SPINDOC: variants seen among roughly 807,000 people sequenced by gnomAD.
SPINDOC encodes the protein spindlin interactor and repressor of chromatin binding.
A neutral mutation model predicts 30.7 loss-of-function variants in SPINDOC; 13 were observed. That is an observed-to-expected ratio of 0.42 (90% CI 0.28 to 0.67). The LOEUF is 0.67. Among genes scored for constraint, SPINDOC ranks in the 30% least tolerant of loss-of-function variants. The pLI, the probability that SPINDOC is intolerant of heterozygous loss-of-function variation, is 0.22. For synonymous variants in SPINDOC, 228 were observed against 211.4 expected (o/e 1.08, Z -0.68); for missense variants, 438 against 518.0 (o/e 0.85, Z 1.50).
chr11:63,820,959 G>A lies in SPINDOC; in HGVS notation c.934+1957G>A, dbSNP rs113798302. 5.5e-3 allele frequency among the ~76,000 whole-genome samples: 827 copies of A among 151,380 alleles called. 5 individuals carry two copies. The highest frequency in any genetic ancestry group is 0.019 in the African/African-American group (781 of 41,242). ...CCCAGCCACTTGGGAGGCTGAGACA[G>A]GAGGATTGTTTCAGCCCAGGAGTTC... On this transcript the variant is annotated intron_variant, in intron 5 of 5. Transcript: ENST00000294244.
In SPINDOC at chr11:63,813,590, G is replaced by C; in HGVS notation, c.-97G>C. 1 of 1,128,806 alleles carries C rather than the reference G, an allele frequency of 8.9e-7. No individual in the cohort carries two copies. The highest frequency in any genetic ancestry group is 1.1e-6 in the Non-Finnish European group (1 of 903,800). 69.9% of individuals were successfully genotyped at this position (1,128,806 alleles called of 1,614,324 possible). A position where few individuals can be genotyped will look rare whatever the true frequency, so the allele number is the denominator to read the frequency against. ...GCTGCGCGGGGCGGGCGGCGGGCCC[G>C]GCGCTATTCCGGCCAGGAGGCGGGA... On this transcript the variant is annotated 5_prime_UTR_variant, in exon 1 of 6. Transcript: ENST00000294244.
intron 1 of SPINDOC, among the ~76,000 whole-genome samples, chr11:63,817,137 C>T (rs2015361985): frequency 6.6e-6 from 1 of 152,036 alleles, no homozygotes. Flanking sequence ...GCTATGATAA[C>T]ACCACTGTAC....
At chr11:63,814,904 C>A (rs1232328410) in intron 1 of SPINDOC, among the ~76,000 whole-genome samples, 1 of 152,160 alleles carries the variant, frequency 6.6e-6, no homozygotes, top group South Asian at 2.1e-4. Context: ...TGGCCTTATC[C>A]CCACTGTTAG....
chr11:63,823,904 T>A (rs185513677), intron 5 of SPINDOC, among the ~76,000 whole-genome samples: 1,498 of 148,300 alleles, frequency 0.01, 18 homozygotes, highest in African/African-American at 0.036. Flanking sequence ...GGCCTGTTTT[T>A]CTTTTTCTTT....
chr11:63,813,830 T>C lies in SPINDOC; in HGVS notation c.127+17T>C, dbSNP rs1458355040. On this transcript the variant is annotated intron_variant, in intron 1 of 5. Coordinates refer to ENST00000294244, the MANE Select transcript of SPINDOC (RefSeq NM_138471.3). The stretch of plus-strand genomic sequence containing the variant: ...TGCTCAGAGGTGAGGATGGAGGGGA[T>C]TCCACTTCCGCGTCACGGTGCGGGG... 6.6e-7 allele frequency: 1 copy of C among 1,512,816 alleles called. No individual in the cohort carries two copies. The highest frequency in any genetic ancestry group is 8.9e-7 in the Non-Finnish European group (1 of 1,124,940). 93.7% of individuals were successfully genotyped at this position (1,512,816 alleles called of 1,614,324 possible).
intron 5 of SPINDOC, among the ~76,000 whole-genome samples, chr11:63,820,869 G>A (rs551449775): frequency 6.0e-5 from 7 of 117,140 alleles, no homozygotes; most frequent in African/African-American, 1.5e-4. Context: ...CAGCCTGGGC[G>A]ACAGAGCGAA....
chr11:63,813,817 A>G lies in SPINDOC; in HGVS notation c.127+4A>G. ...CGGCCCGAGCCGATGCTCAGAGGTGAGGATGGAGGGGATTCCACTTCCGCG... is the reference window on the plus strand; with the variant it reads ...CGGCCCGAGCCGATGCTCAGAGGTGGGGATGGAGGGGATTCCACTTCCGCG... On this transcript the variant is annotated splice_donor_region_variant and intron_variant, in intron 1 of 5. Transcript: ENST00000294244. 6.5e-7 allele frequency: 1 copy of G among 1,543,454 alleles called. No homozygotes were observed.
At chr11:63,824,840 TC>T (rs889231960) in intron 5 of SPINDOC, among the ~76,000 whole-genome samples, 1 of 151,168 alleles carries the variant, frequency 6.6e-6, no homozygotes, top group African/African-American at 2.4e-5. Flanking sequence ...ACCCCTAGAC[TC>T]CACAATCTTC....
At chr11:63,817,233 G>T (rs74549092) in intron 1 of SPINDOC, among the ~76,000 whole-genome samples, 7,097 of 150,426 alleles carry the variant, frequency 0.047, 192 homozygotes, top group South Asian at 0.12. Context: ...GTAGTCCCAG[G>T]TGCTTGGGAG....
At chr11:63,822,883 G>T in intron 5 of SPINDOC, 1 of 1,288,422 alleles carries the variant, frequency 7.8e-7, no homozygotes, top group Non-Finnish European at 1.0e-6. Context: ...TGAGATTCTA[G>T]GTTTCTTTGG....
chr11:63,819,842 T>C (rs1039193288), intron 5 of SPINDOC, among the ~76,000 whole-genome samples: 2 of 152,198 alleles, frequency 1.3e-5, no homozygotes, highest in Non-Finnish European at 2.9e-5. Flanking sequence ...AATTGGTCAC[T>C]GGGTCCGGGT....
chr11:63,813,537 C>T lies in SPINDOC; in HGVS notation c.-150C>T. ...ACGCGCCGGTCGCAGGCCCGGCCGGCGAGCGGCGGGCGGGCGGCGGGGAGG... is the reference window on the plus strand; with the variant it reads ...ACGCGCCGGTCGCAGGCCCGGCCGGTGAGCGGCGGGCGGGCGGCGGGGAGG... On this transcript the variant is annotated 5_prime_UTR_variant, in exon 1 of 6. Transcript: ENST00000294244. 3 of 602,168 alleles carry T rather than the reference C, an allele frequency of 5.0e-6. No individual in the cohort carries two copies. The highest frequency in any genetic ancestry group is 6.2e-6 in the Non-Finnish European group (3 of 482,324). The allele number at this position is 602,168 out of a possible 1,614,324, so 37.3% of individuals were successfully genotyped here. A position where few individuals can be genotyped will look rare whatever the true frequency, so the allele number is the denominator to read the frequency against.
intron 5 of SPINDOC, chr11:63,822,917 G>A: frequency 1.6e-6 from 2 of 1,275,592 alleles, no homozygotes; most frequent in African/African-American, 1.5e-5. Context: ...AGTCTGAGAG[G>A]AAGGGGCTTC....
intron 1 of SPINDOC, among the ~76,000 whole-genome samples, chr11:63,815,174 C>T (rs1383583183): frequency 1.3e-5 from 2 of 152,130 alleles, no homozygotes; most frequent in Admixed American, 6.6e-5. Flanking sequence ...TTGAATATAT[C>T]GAGTGGTTCA....
Position 63,827,315 on chromosome 11 carries a change from G to C in SPINDOC, c.*176G>C. ...GGGCACTGGAAAGTGTCTGTTCCTG[G>C]CCAGGCCTGAGGTCGGCGAGGGTGG... On this transcript the variant is annotated 3_prime_UTR_variant, in exon 6 of 6. Transcript: ENST00000294244. 1.6e-6 allele frequency: 2 copies of C among 1,255,496 alleles called. No homozygotes were observed. The highest frequency in any genetic ancestry group is 2.2e-6 in the Non-Finnish European group (2 of 920,758). The allele number at this position is 1,255,496 out of a possible 1,614,324, so 77.8% of individuals were successfully genotyped here. A position where few individuals can be genotyped will look rare whatever the true frequency, so the allele number is the denominator to read the frequency against.
At chr11:63,816,030 G>A (rs2015330674) in intron 1 of SPINDOC, among the ~76,000 whole-genome samples, 1 of 152,192 alleles carries the variant, frequency 6.6e-6, no homozygotes, top group Admixed American at 6.5e-5. Context: ...GCCTCCCAAA[G>A]TGCTAGGATT....
At chr11:63,813,848 G>A in intron 1 of SPINDOC, 35 bp downstream of exon 1, 1 of 1,483,786 alleles carries the variant, frequency 6.7e-7, no homozygotes, top group Non-Finnish European at 9.0e-7. Flanking sequence ...CCGCGTCACG[G>A]TGCGGGGCCG....
chr11:63,823,146 G>A, intron 5 of SPINDOC: 2 of 1,289,042 alleles, frequency 1.6e-6, no homozygotes, highest in Non-Finnish European at 2.0e-6. Context: ...TATATAGGCT[G>A]GAGGCAGTAA....
At chr11:63,819,982 G>T (rs1018099178) in intron 5 of SPINDOC, among the ~76,000 whole-genome samples, 1 of 152,194 alleles carries the variant, frequency 6.6e-6, no homozygotes, top group African/African-American at 2.4e-5. Context: ...AATTCAGTTA[G>T]GTGTCCAGAG....
Sources: gnomAD v4.1 joint callset for allele counts (sites outside exome capture counted in the v4.1 genomes callset) on GRCh38, gnomAD v4.1.1 for gene constraint, MANE v1.5 for transcripts, NCBI Gene and HGNC (gene_info 2026-07-23, HGNC 2026-07-21) for gene names.